The following ZNF521 variants were observed in gnomAD, a reference collection of about 807,000 sequenced individuals.
ZNF521 encodes the protein LYST-interacting protein 3.
A neutral mutation model predicts 105.5 loss-of-function variants in ZNF521; 14 were observed. The observed-to-expected ratio is 0.13, with a 90% CI of 0.09 to 0.21. ZNF521 has a LOEUF of 0.21. Among genes scored for constraint, ZNF521 ranks in the 10% least tolerant of loss-of-function variants. ZNF521 has a pLI of 1.00. For synonymous variants in ZNF521, 635 were observed against 606.0 expected (o/e 1.05, Z -0.70); for missense variants, 1,233 against 1,629.7 (o/e 0.76, Z 4.19).
chr18:25,139,572 T>A (rs1345969755), intron 5 of ZNF521, among the ~76,000 whole-genome samples: 1 of 151,992 alleles, frequency 6.6e-6, no homozygotes, highest in Non-Finnish European at 1.5e-5. Context: ...GTAGAGGTGT[T>A]ACAGCCCTTT....
intron 5 of ZNF521, among the ~76,000 whole-genome samples, chr18:25,181,822 T>C (rs1025128614): frequency 2.0e-5 from 3 of 152,186 alleles, no homozygotes; most frequent in Non-Finnish European, 2.9e-5. Flanking sequence ...TGCAGTCTTA[T>C]TTACACAATT....
intron 5 of ZNF521, among the ~76,000 whole-genome samples, chr18:25,162,501 T>C (rs1329008700): frequency 6.6e-6 from 1 of 152,220 alleles, no homozygotes; most frequent in Admixed American, 6.5e-5. Context: ...TACTCATTCA[T>C]TCAGTTGATT....
At chr18:25,063,315 A>G (rs1599950211) in intron 7 of ZNF521, among the ~76,000 whole-genome samples, 1 of 152,102 alleles carries the variant, frequency 6.6e-6, no homozygotes, top group East Asian at 1.9e-4. Flanking sequence ...CTGATGATGG[A>G]CAGTGGGAGC....
At chr18:25,241,040 G>A (rs536121122) in intron 3 of ZNF521, among the ~76,000 whole-genome samples, 1 of 150,796 alleles carries the variant, frequency 6.6e-6, no homozygotes, top group South Asian at 2.1e-4. Context: ...TATGTAAACA[G>A]TTATTAGGCG....
At chr18:25,107,718 A>G (rs1025339034) in intron 5 of ZNF521, among the ~76,000 whole-genome samples, 1 of 152,184 alleles carries the variant, frequency 6.6e-6, no homozygotes, top group Non-Finnish European at 1.5e-5. Context: ...AAAACTCCAC[A>G]TGGACTCTTT....
chr18:25,129,049 C>T (rs2034589136), intron 5 of ZNF521, among the ~76,000 whole-genome samples: 1 of 151,628 alleles, frequency 6.6e-6, no homozygotes, highest in Admixed American at 6.6e-5. Context: ...ACTTCAAGAC[C>T]TATTATAAAA....
intron 2 of ZNF521, among the ~76,000 whole-genome samples, chr18:25,330,172 C>CTT (rs1389513732): frequency 3.5e-4 from 48 of 135,288 alleles, no homozygotes; most frequent in African/African-American, 1.1e-3. Flanking sequence ...TTTTCTTTTT[C>CTT]TTTTTTTTTT....
chr18:25,071,055 T>C (rs561785342), intron 7 of ZNF521, among the ~76,000 whole-genome samples: 24 of 152,280 alleles, frequency 1.6e-4, no homozygotes, highest in African/African-American at 5.8e-4. Flanking sequence ...TATATAATTG[T>C]TTTGAATTTA....
chr18:25,274,066 A>T (rs6508358), intron 3 of ZNF521, among the ~76,000 whole-genome samples: 159 of 152,016 alleles, frequency 1.0e-3, no homozygotes, highest in African/African-American at 3.6e-3. Flanking sequence ...TCTCCTTATC[A>T]GCTGTATTTC....
chr18:25,109,082 A>C (rs1274425949), intron 5 of ZNF521, among the ~76,000 whole-genome samples: 1 of 152,090 alleles, frequency 6.6e-6, no homozygotes, highest in Non-Finnish European at 1.5e-5. Flanking sequence ...ACTGTACTCA[A>C]TAGGTATTTT....
chr18:25,234,603 C>T (rs1906755301), intron 3 of ZNF521, among the ~76,000 whole-genome samples: 1 of 151,950 alleles, frequency 6.6e-6, no homozygotes, highest in South Asian at 2.1e-4. Flanking sequence ...TATTATAAGA[C>T]TCAAACATGA....
At chr18:25,305,159 T>C (rs373511938) in intron 3 of ZNF521, among the ~76,000 whole-genome samples, 3 of 152,200 alleles carry the variant, frequency 2.0e-5, no homozygotes, top group South Asian at 4.1e-4. Context: ...TTAGACCAGA[T>C]GATTTCCAAA....
At chr18:25,187,112 A>G (rs574122549) in intron 5 of ZNF521, among the ~76,000 whole-genome samples, 2 of 152,240 alleles carry the variant, frequency 1.3e-5, no homozygotes, top group South Asian at 4.1e-4. Context: ...AGTTAGATAA[A>G]CCGCTAGAAA....
intron 3 of ZNF521, among the ~76,000 whole-genome samples, chr18:25,300,960 T>A (rs1267221482): frequency 6.6e-6 from 1 of 152,186 alleles, no homozygotes; most frequent in East Asian, 1.9e-4. Flanking sequence ...TGCCTATGAC[T>A]TATATTTTAA....
chr18:25,212,193 G>C (rs1415815738), intron 4 of ZNF521, among the ~76,000 whole-genome samples: 2 of 151,930 alleles, frequency 1.3e-5, no homozygotes, highest in African/African-American at 4.8e-5. Context: ...TGCTTATCAA[G>C]TTCCAAAATA....
intron 2 of ZNF521, among the ~76,000 whole-genome samples, chr18:25,331,978 A>C (rs1160215694): frequency 6.6e-6 from 1 of 151,388 alleles, no homozygotes; most frequent in Non-Finnish European, 1.5e-5. Flanking sequence ...GATTTGTCTA[A>C]AGTTTGCCAA....
chr18:25,172,173 C>T (rs1376708506), intron 5 of ZNF521, among the ~76,000 whole-genome samples: 2 of 152,228 alleles, frequency 1.3e-5, no homozygotes, highest in South Asian at 2.1e-4. Flanking sequence ...GAGAGGAAAA[C>T]CATACACCCA....
intron 5 of ZNF521, among the ~76,000 whole-genome samples, chr18:25,187,042 T>C (rs1321092291): frequency 1.3e-5 from 2 of 152,172 alleles, no homozygotes; most frequent in Non-Finnish European, 2.9e-5. Context: ...AGGCGTTTTA[T>C]TAGTTTGGTT....
chr18:25,152,209 T>C lies in ZNF521; in HGVS notation c.3658+42951A>G, dbSNP rs184719518. On this transcript the variant is annotated intron_variant, in intron 5 of 7. Transcript: ENST00000361524. The stretch of plus-strand genomic sequence containing the variant: ...AAACTATCCTCTAGGCTGGGCATGG[T>C]GGCTCACGCCTGTAATCTCAACACT... Among the ~76,000 whole-genome samples the C allele has an allele frequency of 2.3e-3, 343 of 152,306 alleles. 1 individual carries two copies. The highest frequency in any genetic ancestry group is 5.7e-3 in the Admixed American group (88 of 15,308).
Sources: allele counts gnomAD v4.1 joint callset (sites outside exome capture counted in the v4.1 genomes callset), GRCh38; gene constraint gnomAD v4.1.1; transcripts MANE v1.5; gene names NCBI Gene and HGNC (gene_info 2026-07-23, HGNC 2026-07-21).